The following IFT74 variants were observed in gnomAD, a reference collection of about 807,000 sequenced individuals.
The protein encoded by IFT74 is intraflagellar transport 74.
In IFT74, 92 loss-of-function variants were observed where a neutral mutation model predicts 96.7. The observed-to-expected ratio is 0.95, with a 90% CI of 0.80 to 1.13. The LOEUF is 1.13. Among genes scored for constraint, IFT74 ranks in the 50% most tolerant of loss-of-function variants. The pLI is 0.00. For missense variants in IFT74, 811 were observed against 698.2 expected, an observed-to-expected ratio of 1.16 and a Z score of -1.82; for synonymous variants, 223 against 213.2, an observed-to-expected ratio of 1.05 and a Z score of -0.40.
chr9:27,045,942 A>G (rs1819683249), intron 14 of IFT74, among the ~76,000 whole-genome samples: 1 of 152,196 alleles, frequency 6.6e-6, no homozygotes, highest in Admixed American at 6.5e-5. Context: ...ATTACTAGAT[A>G]CTACCTAGTG....
At chr9:27,034,405 C>G (rs938143224) in intron 13 of IFT74, among the ~76,000 whole-genome samples, 1 of 152,078 alleles carries the variant, frequency 6.6e-6, no homozygotes, top group African/African-American at 2.4e-5. Flanking sequence ...TTTGGTTTGT[C>G]TATAGTATAC....
At chr9:27,011,474 T>C (rs1034145025) in intron 9 of IFT74, among the ~76,000 whole-genome samples, 2 of 150,020 alleles carry the variant, frequency 1.3e-5, no homozygotes, top group African/African-American at 2.4e-5. Flanking sequence ...GTGTACACAG[T>C]ATAGAGAAAT....
chr9:26,968,066 CTT>C (rs34008230), intron 2 of IFT74, among the ~76,000 whole-genome samples: 13,752 of 118,234 alleles, frequency 0.12, 1,538 homozygotes, highest in East Asian at 0.66. Context: ...TATGTCTTGT[CTT>C]TTTTTTTTTT....
chr9:27,054,022 G>GT (rs1460531968), intron 16 of IFT74, among the ~76,000 whole-genome samples: 1 of 152,174 alleles, frequency 6.6e-6, no homozygotes, highest in Non-Finnish European at 1.5e-5. Flanking sequence ...TTTAAATAGT[G>GT]TATGTCGCTG....
At chr9:26,977,887 T>C (rs1157636529) in intron 2 of IFT74, among the ~76,000 whole-genome samples, 1 of 152,224 alleles carries the variant, frequency 6.6e-6, no homozygotes, top group Non-Finnish European at 1.5e-5. Context: ...AATGTCTACA[T>C]ATAGAATTTA....
rs146828304 is a variant in IFT74 at position 27,065,781 on chromosome 9, A to G, written c.*3045A>G. On this transcript the variant is annotated 3_prime_UTR_variant, in exon 20 of 20. Coordinates refer to ENST00000380062, the MANE Select transcript of IFT74 (RefSeq NM_025103.4). Reference sequence around the variant, plus strand: ...CAGTGTAAACAACCTTAGGGAAATTATAATGTTTAGACTCAAAGTAAGAAG... The same window carrying G: ...CAGTGTAAACAACCTTAGGGAAATTGTAATGTTTAGACTCAAAGTAAGAAG... Among the ~76,000 whole-genome samples, 210 of 152,336 alleles carry G rather than the reference A, an allele frequency of 1.4e-3. No individual in the cohort carries two copies. The highest frequency in any genetic ancestry group is 4.9e-3 in the African/African-American group (205 of 41,564).
chr9:26,999,572 A>G, intron 8 of IFT74: 1 of 1,404,004 alleles, frequency 7.1e-7, no homozygotes, highest in South Asian at 1.2e-5. Flanking sequence ...CAGAAAATGT[A>G]CCTTTGAAAA....
chr9:26,957,913 A>C (rs7034115), intron 1 of IFT74, among the ~76,000 whole-genome samples: 80,924 of 151,426 alleles, frequency 0.53, 21,993 homozygotes, highest in East Asian at 0.69. Context: ...CCACGCCCGG[A>C]TAATTTTTTT....
At chr9:27,062,510 T>G in intron 19 of IFT74, 108 bp from the exon 20 acceptor site, 1 of 631,226 alleles carries the variant, frequency 1.6e-6, no homozygotes, top group Non-Finnish European at 2.8e-6. Context: ...ATTCTAATTG[T>G]GCTTTTTTGT....
intron 8 of IFT74, chr9:26,997,760 T>C: frequency 6.2e-7 from 1 of 1,610,782 alleles, no homozygotes; most frequent in South Asian, 1.1e-5. Flanking sequence ...CAACCAGTTC[T>C]GCAAATTAAA....
intron 12 of IFT74, among the ~76,000 whole-genome samples, chr9:27,027,182 G>A (rs2131639151): frequency 6.6e-6 from 1 of 152,148 alleles, no homozygotes; most frequent in African/African-American, 2.4e-5. Flanking sequence ...AGCTTACAGT[G>A]AGCACCTTTA....
At chr9:26,947,430 G>A (rs1448078055) in intron 1 of IFT74, 2 of 188,388 alleles carry the variant, frequency 1.1e-5, no homozygotes, top group African/African-American at 4.7e-5. Flanking sequence ...TCCCAAACCC[G>A]GGTCTCTTCC....
chr9:26,984,401 A>C lies in IFT74; in HGVS notation c.404+46A>C, dbSNP rs376048619. The C allele has an allele frequency of 1.4e-4, 219 of 1,580,094 alleles. 3 individuals carry two copies. In the South Asian group the frequency reaches 2.3e-3, roughly 16 times the overall value. ...ATTCATTCAGTATTTTGTGCTTATA[A>C]TACTAACTTTGTAGCTATCCATATT... On this transcript the variant is annotated intron_variant, in intron 5 of 19. Coordinates refer to ENST00000380062, the MANE Select transcript of IFT74 (RefSeq NM_025103.4).
At chr9:26,961,506 T>A (rs1004339505) in intron 1 of IFT74, among the ~76,000 whole-genome samples, 5 of 152,190 alleles carry the variant, frequency 3.3e-5, no homozygotes, top group Non-Finnish European at 7.3e-5. Context: ...ACACTTGGAC[T>A]ACCGAAAGTG....
At chr9:26,982,007 G>A (rs1158427233) in intron 4 of IFT74, among the ~76,000 whole-genome samples, 1 of 151,616 alleles carries the variant, frequency 6.6e-6, no homozygotes, top group Non-Finnish European at 1.5e-5. Context: ...GACCTCAGGT[G>A]ATGCACCTGC....
rs1475683715 is a variant in IFT74 at position 26,984,574 on chromosome 9, C to G, written c.465+15C>G. ...ACTACAACATGGTATTTTATCTTTT[C>G]TAAGAGAATTTACTGTTAATATTTT... On this transcript the variant is annotated intron_variant, in intron 6 of 19. Transcript: ENST00000380062. 6.3e-7 allele frequency: 1 copy of G among 1,584,982 alleles called. No homozygotes were observed.
chr9:26,998,676 T>C (rs920134800), intron 8 of IFT74, among the ~76,000 whole-genome samples: 7 of 152,106 alleles, frequency 4.6e-5, no homozygotes, highest in African/African-American at 1.2e-4. Flanking sequence ...ACATTATACC[T>C]AGGGCTGTTC....
intron 14 of IFT74, 35 bp from the exon 15 acceptor site, chr9:27,047,237 ATC>A (rs1401236708): frequency 8.1e-7 from 1 of 1,235,704 alleles, no homozygotes; most frequent in South Asian, 1.2e-5. Context: ...TGTTAACTCT[ATC>A]AGCAGTAATC....
chr9:27,040,015 A>G (rs1289548260), intron 13 of IFT74, among the ~76,000 whole-genome samples: 1 of 152,216 alleles, frequency 6.6e-6, no homozygotes, highest in African/African-American at 2.4e-5. Flanking sequence ...CTGGCTCACT[A>G]AAATATGTGA....
Sources: gnomAD v4.1 joint callset for allele counts (sites outside exome capture counted in the v4.1 genomes callset) on GRCh38, gnomAD v4.1.1 for gene constraint, MANE v1.5 for transcripts, NCBI Gene and HGNC (gene_info 2026-07-23, HGNC 2026-07-21) for gene names.